The following STAT4 variants were observed in gnomAD, a reference collection of about 807,000 sequenced individuals.
The protein encoded by STAT4 is signal transducer and activator of transcription 4.
A neutral mutation model predicts 110.5 loss-of-function variants in STAT4; 42 were observed. The observed-to-expected ratio is 0.38, with a 90% CI of 0.30 to 0.49. STAT4 has a LOEUF of 0.49. Ranked by LOEUF, STAT4 falls within the 20% of genes least tolerant of loss-of-function variation. The probability of loss-of-function intolerance (pLI) is 0.95; values close to 1 mark genes in which losing one functional copy is unlikely to be tolerated. For synonymous variants in STAT4, 284 were observed against 302.2 expected, an observed-to-expected ratio of 0.94 and a Z score of 0.63; for missense variants, 632 against 887.9, an observed-to-expected ratio of 0.71 and a Z score of 3.66.
intron 6 of STAT4, among the ~76,000 whole-genome samples, chr2:191,069,430 T>C (rs1418364791): frequency 6.6e-6 from 1 of 152,132 alleles, no homozygotes; most frequent in Non-Finnish European, 1.5e-5. Context: ...TAATTCCTCA[T>C]GCAGTTTGAA....
chr2:191,128,228 T>C (rs1036463289), intron 3 of STAT4, among the ~76,000 whole-genome samples: 2 of 152,208 alleles, frequency 1.3e-5, no homozygotes, highest in Non-Finnish European at 2.9e-5. Flanking sequence ...CTGCTACCCA[T>C]GTGTGGCAAA....
At position 191,033,107 on chromosome 2, in the gene STAT4, C is replaced by T. The variant is rs149089413; in HGVS notation, c.1895G>A (p.Arg632Gln). 2.5e-5 allele frequency: 41 copies of T among 1,613,964 alleles called. No individual in the cohort carries two copies. The highest frequency in any genetic ancestry group is 2.7e-5 in the African/African-American group (2 of 74,900). ...FHSVEPYNKGRLSALPFADIL... is the reference protein window; with the variant it reads ...FHSVEPYNKGQLSALPFADIL... ...GTCAGCGAATGGCAGAGCAGACAAC[C>T]GGCCTTTATTGTAGGGTTCTACAGA... Residue 632 changes from arginine to glutamine, a missense_variant, in exon 21 of 24, where the codon CGG (arginine) becomes CAG (glutamine). Arg to Gln is a conservative substitution (Grantham distance 43, BLOSUM62 1). This residue lies in a region of STAT4 where 74 missense variants were observed against 154.3 expected (regional missense o/e 0.48). Transcript: ENST00000392320. The surrounding 1 kb of genome is among the most constrained non-coding windows in gnomAD (Gnocchi z 6.9).
chr2:191,030,829 C>T lies in STAT4; in HGVS notation c.2220+143G>A. 1.4e-6 allele frequency: 1 copy of T among 707,688 alleles called. No homozygotes were observed. Among genetic ancestry groups the T allele is most frequent in the South Asian group, 1.7e-5 (1 of 57,802 alleles). The allele number at this position is 707,688 out of a possible 1,614,324, so 43.8% of individuals were successfully genotyped here. A position where few individuals can be genotyped will look rare whatever the true frequency, so the allele number is the denominator to read the frequency against. ...AGCAACACGCAGGACCATCCAGACA[C>T]CTTTTGTGTTATGCTCATGAATTTG... On this transcript the variant is annotated intron_variant, in intron 23 of 23. Transcript: ENST00000392320. The surrounding 1 kb of genome is among the most constrained non-coding windows in gnomAD (Gnocchi z 4.4).
chr2:191,064,800 G>C lies in STAT4; in HGVS notation c.782+7C>G, dbSNP rs3024924. 1,516 of 1,605,040 alleles carry C rather than the reference G, an allele frequency of 9.4e-4. 3 individuals are homozygous for C. The highest frequency in any genetic ancestry group is 1.2e-3 in the Admixed American group (68 of 57,662). ...TTTCACTAGAAACTGCAGTCGATTC[G>C]TTTTACCAGTTCTGAAGCTGGTCGA... is the stretch of plus-strand genomic sequence containing the variant. On this transcript the variant is annotated splice_region_variant and intron_variant, in intron 8 of 23. Transcript: ENST00000392320.
intron 14 of STAT4, among the ~76,000 whole-genome samples, chr2:191,054,131 A>G (rs1229444877): frequency 1.4e-5 from 2 of 147,846 alleles, no homozygotes; most frequent in East Asian, 4.0e-4. Context: ...CTTCTCAAAA[A>G]AAAAAAAAAA....
intron 3 of STAT4, among the ~76,000 whole-genome samples, chr2:191,133,902 A>G (rs1391997646): frequency 6.7e-6 from 1 of 148,314 alleles, no homozygotes; most frequent in Non-Finnish European, 1.5e-5. Context: ...TCTGTACAAA[A>G]GAATATTATT....
chr2:191,131,934 A>G (rs1699047875), intron 3 of STAT4: 2 of 1,326,568 alleles, frequency 1.5e-6, no homozygotes. Context: ...TATTCTCTAC[A>G]CTTGTGGAGG....
Position 191,031,578 on chromosome 2 carries a change from G to GA in STAT4, c.2045-63dup. On this transcript the variant is annotated intron_variant, in intron 21 of 23. Transcript: ENST00000392320. The surrounding 1 kb of genome is among the most constrained non-coding windows in gnomAD (Gnocchi z 4.8). ...TGTCAATATTATCAATAAAACTGGG[G>GA]AAAAAAGAGTCTAGAAAAATATTAA... The GA allele has an allele frequency of 7.4e-7, 1 of 1,358,078 alleles. No homozygotes were observed. The allele number at this position is 1,358,078 out of a possible 1,614,324, so 84.1% of individuals were successfully genotyped here.
intron 3 of STAT4, among the ~76,000 whole-genome samples, chr2:191,098,726 G>A (rs1396808062): frequency 6.6e-6 from 1 of 152,156 alleles, no homozygotes; most frequent in African/African-American, 2.4e-5. Context: ...CCTGCACGTT[G>A]TGCACATGTA....
At position 191,116,963 on chromosome 2, in the gene STAT4, C is replaced by T. The variant is rs192221470; in HGVS notation, c.273+29650G>A. On this transcript the variant is annotated intron_variant, in intron 3 of 23. Coordinates refer to ENST00000392320, the MANE Select transcript of STAT4 (RefSeq NM_003151.4). The surrounding 1 kb of genome is among the most constrained non-coding windows in gnomAD (Gnocchi z 4.1). The stretch of plus-strand genomic sequence containing the variant: ...GAGTGGCAAAGAATAATGAAATATA[C>T]GTGAGATCTCCATGTGATTCTTTTT... Among the ~76,000 whole-genome samples, 7 of 152,250 alleles carry T rather than the reference C, an allele frequency of 4.6e-5. No individual in the cohort carries two copies. Among genetic ancestry groups the T allele is most frequent in the Admixed American group, 2.0e-4 (3 of 15,292 alleles).
intron 3 of STAT4, among the ~76,000 whole-genome samples, chr2:191,097,244 T>G (rs79385886): frequency 0.21 from 32,497 of 152,112 alleles, 4,162 homozygotes; most frequent in African/African-American, 0.35. Context: ...TACCAAAGAC[T>G]TTTTTCACAG....
chr2:191,062,607 A>G lies in STAT4; in HGVS notation c.941+155T>C, dbSNP rs576928095. ...GATGAATAAATAGTGAAGAGTAGAAATGTGGTTTCTAAAACTTTCTGGGGT... is the reference window on the plus strand; with the variant it reads ...GATGAATAAATAGTGAAGAGTAGAAGTGTGGTTTCTAAAACTTTCTGGGGT... On this transcript the variant is annotated intron_variant, in intron 9 of 23. Coordinates refer to ENST00000392320, the MANE Select transcript of STAT4 (RefSeq NM_003151.4). The surrounding 1 kb of genome is among the most constrained non-coding windows in gnomAD (Gnocchi z 4.9). 6.6e-6 allele frequency among the ~76,000 whole-genome samples: 1 copy of G among 152,302 alleles called. No homozygotes were observed. The highest frequency in any genetic ancestry group is 2.1e-4 in the South Asian group (1 of 4,828).
intron 3 of STAT4, among the ~76,000 whole-genome samples, chr2:191,137,349 T>C (rs1255995770): frequency 6.6e-6 from 1 of 151,792 alleles, no homozygotes; most frequent in African/African-American, 2.4e-5. Context: ...AGAAAAAAAA[T>C]TGAAGAGGAC....
rs768517793 is a variant in STAT4 at position 191,062,878 on chromosome 2, T to C, written c.825A>G (p.Gln275=). The change falls in exon 9 of 24, where the codon CAA becomes CAG. Residue 275 remains glutamine, a synonymous_variant. Coordinates refer to ENST00000392320, the MANE Select transcript of STAT4 (RefSeq NM_003151.4). This position sits in a 1 kb window ranked among gnomAD's most constrained non-coding sequence, Gnocchi z 4.9. ...LAESLFQLRR[Q]LEKLEEQSTK... ...TAGATTGCTCCTCTAGTTTCTCCAA[T>C]TGCCTTCTCAGTTGGAAAAGACTTT... is the stretch of plus-strand genomic sequence containing the variant. 9 of 1,613,908 alleles carry C rather than the reference T, an allele frequency of 5.6e-6. No individual in the cohort carries two copies. Among genetic ancestry groups the C allele is most frequent in the South Asian group, 4.4e-5 (4 of 91,084 alleles).
Position 191,061,913 on chromosome 2 carries a change from G to T in STAT4, c.942-92C>A. 8.4e-7 allele frequency: 1 copy of T among 1,184,466 alleles called. No individual in the cohort carries two copies. Among genetic ancestry groups the T allele is most frequent in the Non-Finnish European group, 1.2e-6 (1 of 815,164 alleles). 73.4% of individuals were successfully genotyped at this position (1,184,466 alleles called of 1,614,324 possible). A position where few individuals can be genotyped will look rare whatever the true frequency, so the allele number is the denominator to read the frequency against. ...AGGAACAGGATGCTATCCACTCAAA[G>T]TCCAAATTTTCTACACTTAGAAGAT... On this transcript the variant is annotated intron_variant, in intron 9 of 23. Transcript: ENST00000392320. The surrounding 1 kb of genome is among the most constrained non-coding windows in gnomAD (Gnocchi z 6.2).
chr2:191,133,045 C>T (rs1330578753), intron 3 of STAT4, among the ~76,000 whole-genome samples: 2 of 151,272 alleles, frequency 1.3e-5, no homozygotes, highest in African/African-American at 2.4e-5. Context: ...TGGGCCACTG[C>T]GCCTGGCGGT....
At chr2:191,129,981 G>A (rs775701754) in intron 3 of STAT4, among the ~76,000 whole-genome samples, 16 of 151,504 alleles carry the variant, frequency 1.1e-4, no homozygotes, top group Non-Finnish European at 2.2e-4. Flanking sequence ...TTGTTTTAGT[G>A]GTCTTTTTGA....
At position 191,029,905 on chromosome 2, in the gene STAT4, T is replaced by C. The variant is rs749686154; in HGVS notation, c.2221-39A>G. On this transcript the variant is annotated intron_variant, in intron 23 of 23. Coordinates refer to ENST00000392320, the MANE Select transcript of STAT4 (RefSeq NM_003151.4). The surrounding 1 kb of genome is among the most constrained non-coding windows in gnomAD (Gnocchi z 4.5). Reference sequence around the variant, plus strand: ...TGAAAATAATCTTTGAGGAAACTACTGGTTTTCAAATCAATCACTATTTCT... The same window carrying C: ...TGAAAATAATCTTTGAGGAAACTACCGGTTTTCAAATCAATCACTATTTCT... The C allele has an allele frequency of 1.3e-5, 19 of 1,501,030 alleles. No homozygotes were observed. The highest frequency in any genetic ancestry group is 1.6e-5 in the Non-Finnish European group (18 of 1,096,040). The allele number at this position is 1,501,030 out of a possible 1,614,324, so 93.0% of individuals were successfully genotyped here. A position where few individuals can be genotyped will look rare whatever the true frequency, so the allele number is the denominator to read the frequency against.
At position 191,032,958 on chromosome 2, in the gene STAT4, C is replaced by T; in HGVS notation, c.2044G>A (p.Val682Ile). 6.3e-7 allele frequency: 1 copy of T among 1,588,276 alleles called. No homozygotes were observed. The highest frequency in any genetic ancestry group is 8.5e-7 in the Non-Finnish European group (1 of 1,171,640). ...ACAAAAACAAACAGAAAAACCTAAC[C>T]TTCGCAAGGCTGAGAGCTGTAGTGT... The part of the protein sequence containing the change: ...GKHYSSQPCE[V>I]SRPTERGDKG... Residue 682 changes from valine (V) to isoleucine (I), a missense_variant and splice_region_variant, in exon 21 of 24, where the codon GTT becomes ATT. Physicochemically the swap from Val to Ile is conservative, Grantham distance 29. This residue lies in a region of STAT4 where 38 missense variants were observed against 33.2 expected (regional missense o/e 1.15). Transcript: ENST00000392320. The surrounding 1 kb of genome is among the most constrained non-coding windows in gnomAD (Gnocchi z 4.9).
Sources: allele counts gnomAD v4.1 joint callset (sites outside exome capture counted in the v4.1 genomes callset), GRCh38; gene constraint gnomAD v4.1.1; regional missense constraint gnomAD v4.1.1; non-coding constraint Gnocchi (gnomAD v3.1); transcripts MANE v1.5; gene names NCBI Gene and HGNC (gene_info 2026-07-23, HGNC 2026-07-21).